ZNF146: variants seen among roughly 807,000 people sequenced by gnomAD.
ZNF146 encodes the protein zinc finger protein 146, also known as zinc finger protein OZF.
In ZNF146, 9 loss-of-function variants were observed where a neutral mutation model predicts 22.2. The ratio of observed to expected loss-of-function variants is 0.41; its 90% confidence interval spans 0.24 to 0.71. The LOEUF (loss-of-function observed/expected upper bound fraction) is 0.71. Among genes scored for constraint, ZNF146 ranks in the 30% least tolerant of loss-of-function variants. The probability of loss-of-function intolerance (pLI) is 0.34; values close to 1 mark genes in which losing one functional copy is unlikely to be tolerated. For synonymous variants in ZNF146, 108 were observed against 119.2 expected (o/e 0.91, Z 0.61); for missense variants, 194 against 344.8 (o/e 0.56, Z 3.46).
At chr19:36,231,263 G>A (rs1438646608) in intron 3 of ZNF146, among the ~76,000 whole-genome samples, 1 of 152,016 alleles carries the variant, frequency 6.6e-6, no homozygotes, top group African/African-American at 2.4e-5. Context: ...AGGTTGGAGT[G>A]CGGTGGTGCC....
At chr19:36,217,653 C>T (rs1034173027) in intron 1 of ZNF146, among the ~76,000 whole-genome samples, 3 of 151,898 alleles carry the variant, frequency 2.0e-5, no homozygotes, top group African/African-American at 7.2e-5. Context: ...GGGAGGCCAA[C>T]GCAGGCGGAT....
chr19:36,230,674 C>T (rs1012639856), intron 3 of ZNF146, among the ~76,000 whole-genome samples: 5 of 152,092 alleles, frequency 3.3e-5, no homozygotes, highest in South Asian at 2.1e-4. Flanking sequence ...TGATCAGGGC[C>T]GTGGGCTGGA....
chr19:36,224,580 GTA>G (rs1976993953), intron 2 of ZNF146, among the ~76,000 whole-genome samples: 1 of 152,096 alleles, frequency 6.6e-6, no homozygotes, highest in African/African-American at 2.4e-5. Flanking sequence ...TTACTTTGTG[GTA>G]TAGCTAGTCT....
intron 1 of ZNF146, among the ~76,000 whole-genome samples, chr19:36,215,948 A>G (rs1204576117): frequency 6.6e-6 from 1 of 152,160 alleles, no homozygotes; most frequent in East Asian, 1.9e-4. Flanking sequence ...TAATTCCTTA[A>G]TGAGTCGAGG....
intron 3 of ZNF146, among the ~76,000 whole-genome samples, chr19:36,232,206 A>AC (rs1173795970): frequency 6.6e-6 from 1 of 152,050 alleles, no homozygotes; most frequent in Non-Finnish European, 1.5e-5. Flanking sequence ...AAAAAAAAAA[A>AC]AAAAAACATA....
intron 2 of ZNF146, among the ~76,000 whole-genome samples, chr19:36,225,926 C>G (rs779717595): frequency 1.7e-4 from 26 of 151,844 alleles, no homozygotes; most frequent in Non-Finnish European, 1.8e-4. Flanking sequence ...CCACACCCTG[C>G]TAATTTTTGG....
rs1331204898 is a variant in ZNF146 at position 36,238,450 on chromosome 19, A to G, written c.*1131A>G. On this transcript the variant is annotated 3_prime_UTR_variant, in exon 4 of 4. Transcript: ENST00000443387. ...TGGTTAAAGGGGACTTCAGCTTTTTATATAAACATCCACTTCTCTTTCAAA... is the reference window on the plus strand; with the variant it reads ...TGGTTAAAGGGGACTTCAGCTTTTTGTATAAACATCCACTTCTCTTTCAAA... 2 of 167,094 alleles carry G rather than the reference A, an allele frequency of 1.2e-5. No individual in the cohort carries two copies. The highest frequency in any genetic ancestry group is 4.8e-5 in the African/African-American group (2 of 41,458). The allele number at this position is 167,094 out of a possible 1,614,324, so 10.4% of individuals were successfully genotyped here. A position where few individuals can be genotyped will look rare whatever the true frequency, so the allele number is the denominator to read the frequency against.
rs1310700863 is a variant in ZNF146 at position 36,237,119 on chromosome 19, C to G, written c.679C>G (p.Leu227Val). 6.2e-7 allele frequency: 1 copy of G among 1,614,190 alleles called. No individual in the cohort carries two copies. The highest frequency in any genetic ancestry group is 1.7e-5 in the Admixed American group (1 of 60,034). Residue 227 changes from leucine (L) to valine (V), a missense_variant, in exon 4 of 4, where the codon CTC becomes GTC. Coordinates refer to ENST00000443387, the MANE Select transcript of ZNF146 (RefSeq NM_007145.3). ...CGKAFSQSSS[L>V]TVHVRSHTGE... ...AAAAGCCTTCTCTCAGAGCTCATCT[C>G]TCACTGTGCATGTGAGAAGCCATAC... is the stretch of plus-strand genomic sequence containing the variant.
chr19:36,233,002 G>C (rs886665034), intron 3 of ZNF146, among the ~76,000 whole-genome samples: 1 of 152,218 alleles, frequency 6.6e-6, no homozygotes, highest in Admixed American at 6.5e-5. Flanking sequence ...CCACGCTTTT[G>C]TATGTCCGTA....
intron 2 of ZNF146, among the ~76,000 whole-genome samples, chr19:36,221,577 C>T (rs1011136828): frequency 4.6e-5 from 7 of 152,066 alleles, no homozygotes; most frequent in South Asian, 2.1e-4. Context: ...CTTGAGCCAC[C>T]GTGCCTGGCC....
intron 3 of ZNF146, among the ~76,000 whole-genome samples, chr19:36,230,675 G>A (rs553990271): frequency 2.6e-5 from 4 of 152,322 alleles, no homozygotes; most frequent in Middle Eastern, 3.4e-3. Flanking sequence ...GATCAGGGCC[G>A]TGGGCTGGAA....
intron 1 of ZNF146, 22 bp from the exon 2 acceptor site, chr19:36,218,100 T>G (rs1976688603): frequency 8.9e-6 from 1 of 111,950 alleles, no homozygotes; most frequent in Admixed American, 8.6e-5. Flanking sequence ...CTAATTTTTT[T>G]TTTTTTTTTT....
At chr19:36,216,643 G>C (rs1405485546) in intron 1 of ZNF146, among the ~76,000 whole-genome samples, 3 of 151,976 alleles carry the variant, frequency 2.0e-5, no homozygotes, top group Non-Finnish European at 2.9e-5. Flanking sequence ...GGACAAGAGC[G>C]AGATTCCGTC....
intron 1 of ZNF146, among the ~76,000 whole-genome samples, chr19:36,217,502 T>TTTATA (rs1976661268): frequency 6.6e-6 from 1 of 152,188 alleles, no homozygotes; most frequent in Non-Finnish European, 1.5e-5. Context: ...GAGGAAGCTC[T>TTTATA]TTATATACTG....
In ZNF146 at chr19:36,238,272, A is replaced by G. The variant is rs541334023; in HGVS notation, c.*953A>G. The G allele has an allele frequency of 1.2e-5, 2 of 167,258 alleles. No individual in the cohort carries two copies. The highest frequency in any genetic ancestry group is 6.5e-5 in the Admixed American group (1 of 15,310). 10.4% of individuals were successfully genotyped at this position (167,258 alleles called of 1,614,324 possible). A position where few individuals can be genotyped will look rare whatever the true frequency, so the allele number is the denominator to read the frequency against. On this transcript the variant is annotated 3_prime_UTR_variant, in exon 4 of 4. Coordinates refer to ENST00000443387, the MANE Select transcript of ZNF146 (RefSeq NM_007145.3). ...GTAAATTTGAATTAAAAGTTTCCTC[A>G]TAAAACTCAGTACTATCTATTGGTA...
intron 1 of ZNF146, among the ~76,000 whole-genome samples, chr19:36,215,659 C>CT (rs568945389): frequency 2.0e-4 from 29 of 148,168 alleles, no homozygotes; most frequent in African/African-American, 3.0e-4. Flanking sequence ...ATCACCGTGA[C>CT]TTTTTTTTTT....
intron 2 of ZNF146, among the ~76,000 whole-genome samples, chr19:36,225,754 T>TA (rs1458617610): frequency 1.4e-5 from 1 of 72,716 alleles, no homozygotes; most frequent in East Asian, 3.1e-4. Context: ...TTGTGATTCT[T>TA]TTTTTTTTTT....
In ZNF146 at chr19:36,237,648, G is replaced by C. The variant is rs1490324347; in HGVS notation, c.*329G>C. 1.4e-5 allele frequency: 3 copies of C among 211,182 alleles called. No homozygotes were observed. The highest frequency in any genetic ancestry group is 7.1e-5 in the African/African-American group (3 of 42,376). 13.1% of individuals were successfully genotyped at this position (211,182 alleles called of 1,614,324 possible). On this transcript the variant is annotated 3_prime_UTR_variant, in exon 4 of 4. Transcript: ENST00000443387. ...CTTCGCCAGTAACAAGAAAAATTAA[G>C]TTGTAAATATTGGAAAGGAACAGAC...
At chr19:36,216,589 C>T (rs1430781208) in intron 1 of ZNF146, among the ~76,000 whole-genome samples, 2 of 102,614 alleles carry the variant, frequency 1.9e-5, no homozygotes, top group African/African-American at 3.4e-5. Context: ...ACCTGGGAGG[C>T]GGAGGTTGCA....
Sources: allele counts gnomAD v4.1 joint callset (sites outside exome capture counted in the v4.1 genomes callset), GRCh38; gene constraint gnomAD v4.1.1; transcripts MANE v1.5; gene names NCBI Gene and HGNC (gene_info 2026-07-23, HGNC 2026-07-21).